The following NKAIN2 variants were observed in gnomAD, a reference collection of about 807,000 sequenced individuals.
NKAIN2 encodes the protein sodium/potassium-transporting ATPase subunit beta-1-interacting protein 2.
In NKAIN2, 14 loss-of-function variants were observed where a neutral mutation model predicts 32.6. The observed-to-expected ratio is 0.43, with a 90% CI of 0.28 to 0.67. The LOEUF (loss-of-function observed/expected upper bound fraction) is 0.67, where lower values mean the gene tolerates loss of function less well. NKAIN2 is among the 30% of genes least tolerant of loss of function. NKAIN2 has a pLI of 0.17. For synonymous variants in NKAIN2, 80 were observed against 87.2 expected (o/e 0.92, Z 0.46); for missense variants, 198 against 258.3 (o/e 0.77, Z 1.60).
At chr6:124,454,339 TAAATA>T (rs1252324403) in intron 3 of NKAIN2, among the ~76,000 whole-genome samples, 6 of 152,072 alleles carry the variant, frequency 3.9e-5, no homozygotes, top group Non-Finnish European at 8.8e-5. Flanking sequence ...GACAGTAACA[TAAATA>T]AAATTGTAGA....
intron 3 of NKAIN2, among the ~76,000 whole-genome samples, chr6:124,505,208 GGT>G (rs748698094): frequency 6.6e-6 from 1 of 152,164 alleles, no homozygotes; most frequent in Non-Finnish European, 1.5e-5. Context: ...TCCAATCTCA[GGT>G]GTGAGATGGA....
intron 3 of NKAIN2, among the ~76,000 whole-genome samples, chr6:124,615,244 T>C (rs1782842987): frequency 6.6e-6 from 1 of 152,208 alleles, no homozygotes; most frequent in Non-Finnish European, 1.5e-5. Flanking sequence ...TTACACATGT[T>C]ACAAGCCTCA....
At chr6:123,827,256 A>C (rs942448645) in intron 1 of NKAIN2, among the ~76,000 whole-genome samples, 1 of 152,108 alleles carries the variant, frequency 6.6e-6, no homozygotes, top group African/African-American at 2.4e-5. Flanking sequence ...TATGGTGTTG[A>C]AGTGTATTAA....
chr6:123,922,595 G>A (rs1345377872), intron 1 of NKAIN2, among the ~76,000 whole-genome samples: 6 of 152,036 alleles, frequency 3.9e-5, no homozygotes, highest in Admixed American at 2.0e-4. Context: ...GTGGGGAAAG[G>A]GCAACCCAAA....
chr6:123,885,108 C>A (rs1399596614), intron 1 of NKAIN2, among the ~76,000 whole-genome samples: 2 of 152,014 alleles, frequency 1.3e-5, no homozygotes, highest in East Asian at 1.9e-4. Context: ...TGATTTGGGG[C>A]CTTTTAATAT....
chr6:124,385,169 A>G (rs1772839171), intron 3 of NKAIN2, among the ~76,000 whole-genome samples: 1 of 152,156 alleles, frequency 6.6e-6, no homozygotes, highest in Admixed American at 6.6e-5. Flanking sequence ...CAACACCTGA[A>G]TATATTTTCT....
chr6:124,394,753 A>G (rs1412727093), intron 3 of NKAIN2, among the ~76,000 whole-genome samples: 1 of 152,048 alleles, frequency 6.6e-6, no homozygotes, highest in Non-Finnish European at 1.5e-5. Flanking sequence ...AAGCCCGCCT[A>G]TGTAAGAGAG....
At chr6:124,560,679 A>C (rs1780656793) in intron 3 of NKAIN2, among the ~76,000 whole-genome samples, 1 of 152,244 alleles carries the variant, frequency 6.6e-6, no homozygotes, top group Non-Finnish European at 1.5e-5. Flanking sequence ...AGTAAGCATG[A>C]TATAAAGATG....
intron 1 of NKAIN2, among the ~76,000 whole-genome samples, chr6:123,905,839 G>A (rs1197432434): frequency 6.6e-6 from 1 of 152,148 alleles, no homozygotes; most frequent in Non-Finnish European, 1.5e-5. Flanking sequence ...ATTAATGCAT[G>A]CTGTGACACA....
chr6:124,461,614 G>A (rs763360270), intron 3 of NKAIN2, among the ~76,000 whole-genome samples: 13 of 151,554 alleles, frequency 8.6e-5, no homozygotes, highest in Non-Finnish European at 1.3e-4. Context: ...TATTAAAACT[G>A]TCATCATAGT....
chr6:124,486,899 C>A (rs1236859641), intron 3 of NKAIN2, among the ~76,000 whole-genome samples: 1 of 151,970 alleles, frequency 6.6e-6, no homozygotes, highest in Admixed American at 6.6e-5. Flanking sequence ...GATTATGATT[C>A]TTTAATTTAA....
chr6:124,729,075 CA>C (rs1776501788), intron 4 of NKAIN2, among the ~76,000 whole-genome samples: 1 of 152,010 alleles, frequency 6.6e-6, no homozygotes, highest in Non-Finnish European at 1.5e-5. Context: ...AATAGCTTAC[CA>C]ACCAAAAAGA....
At chr6:124,310,310 T>C (rs932600) in intron 2 of NKAIN2, among the ~76,000 whole-genome samples, 41,208 of 151,988 alleles carry the variant, frequency 0.27, 9,547 homozygotes, top group African/African-American at 0.63. Flanking sequence ...GTGCCTTGTA[T>C]TGCCATGCCT....
chr6:123,823,172 A>G (rs964647562), intron 1 of NKAIN2: 2 of 152,238 alleles, frequency 1.3e-5, no homozygotes, highest in African/African-American at 2.4e-5. Context: ...ATAATGATTA[A>G]TAAAACCGAA....
chr6:124,613,834 C>G (rs903780606), intron 3 of NKAIN2, among the ~76,000 whole-genome samples: 1 of 152,150 alleles, frequency 6.6e-6, no homozygotes, highest in African/African-American at 2.4e-5. Context: ...CTTCATCACT[C>G]TTTGTCTAGT....
chr6:124,799,938 A>C (rs1322399246), intron 5 of NKAIN2, among the ~76,000 whole-genome samples: 1 of 152,160 alleles, frequency 6.6e-6, no homozygotes, highest in Non-Finnish European at 1.5e-5. Context: ...GGATAATGGC[A>C]TGAGAAAGAA....
chr6:123,864,704 T>C (rs1775915467), intron 1 of NKAIN2, among the ~76,000 whole-genome samples: 2 of 152,246 alleles, frequency 1.3e-5, no homozygotes, highest in South Asian at 2.1e-4. Flanking sequence ...AGCCCTGAGG[T>C]AGAAGTGAGC....
At chr6:124,006,730 T>C (rs889111519) in intron 1 of NKAIN2, among the ~76,000 whole-genome samples, 1 of 152,142 alleles carries the variant, frequency 6.6e-6, no homozygotes, top group African/African-American at 2.4e-5. Context: ...ACTCTGGTGG[T>C]TGTTTGCAGA....
intron 3 of NKAIN2, among the ~76,000 whole-genome samples, chr6:124,532,429 C>T (rs1447236727): frequency 2.0e-5 from 3 of 152,166 alleles, no homozygotes; most frequent in African/African-American, 7.2e-5. Context: ...GTCCCCCAAC[C>T]TCCCCCTAGT....
Sources: allele counts gnomAD v4.1 joint callset (sites outside exome capture counted in the v4.1 genomes callset), GRCh38; gene constraint gnomAD v4.1.1; transcripts MANE v1.5; gene names NCBI Gene and HGNC (gene_info 2026-07-23, HGNC 2026-07-21).